The following PHF20 variants were observed in gnomAD, a reference collection of about 807,000 sequenced individuals.
PHF20 encodes glioma-expressed antigen 2.
PHF20 carries 23 observed loss-of-function variants against 113.5 expected under a neutral mutation model. The observed-to-expected ratio is 0.20, with a 90% CI of 0.15 to 0.29. The LOEUF is 0.29. Among genes scored for constraint, PHF20 ranks in the 10% least tolerant of loss-of-function variants. The pLI, the probability that PHF20 is intolerant of heterozygous loss-of-function variation, is 1.00. For missense variants in PHF20, 943 were observed against 1,219.6 expected (o/e 0.77, Z 3.38); for synonymous variants, 434 against 457.3 (o/e 0.95, Z 0.65).
chr20:35,794,431 C>T (rs985865322), intron 1 of PHF20, among the ~76,000 whole-genome samples: 2 of 152,166 alleles, frequency 1.3e-5, no homozygotes, highest in African/African-American at 4.8e-5. Flanking sequence ...GTACCTGGCA[C>T]ACAGCAGGCT....
intron 2 of PHF20, among the ~76,000 whole-genome samples, chr20:35,839,287 A>T (rs2042498942): frequency 6.8e-6 from 1 of 147,666 alleles, no homozygotes; most frequent in South Asian, 2.3e-4. Context: ...GCTACTTGGG[A>T]GGCTGAGGCA....
chr20:35,874,168 G>A (rs1016426794), intron 9 of PHF20, among the ~76,000 whole-genome samples: 1 of 152,034 alleles, frequency 6.6e-6, no homozygotes, highest in African/African-American at 2.4e-5. Context: ...TAGAGATGGG[G>A]TTTCACCATG....
At chr20:35,903,912 A>G (rs1480742967) in intron 10 of PHF20, among the ~76,000 whole-genome samples, 1 of 152,028 alleles carries the variant, frequency 6.6e-6, no homozygotes, top group African/African-American at 2.4e-5. Flanking sequence ...TCCAGGCATC[A>G]CCCCTTACCT....
intron 3 of PHF20, among the ~76,000 whole-genome samples, chr20:35,845,811 T>C (rs902198788): frequency 2.0e-5 from 3 of 149,552 alleles, no homozygotes; most frequent in Non-Finnish European, 4.4e-5. Context: ...GCAGTCTTAC[T>C]GTATGGCCGA....
chr20:35,876,741 C>T (rs780917049), intron 9 of PHF20, among the ~76,000 whole-genome samples: 8 of 149,888 alleles, frequency 5.3e-5, no homozygotes, highest in African/African-American at 4.9e-5. Context: ...GAGGCCAAGA[C>T]GGGCAGATCA....
chr20:35,791,679 G>T (rs1026836850), intron 1 of PHF20, among the ~76,000 whole-genome samples: 1 of 151,642 alleles, frequency 6.6e-6, no homozygotes, highest in African/African-American at 2.4e-5. Flanking sequence ...ATAGCTGGAG[G>T]ATTGGAGCTC....
intron 12 of PHF20, among the ~76,000 whole-genome samples, chr20:35,915,924 C>A (rs571263061): frequency 6.6e-6 from 1 of 152,122 alleles, no homozygotes; most frequent in Non-Finnish European, 1.5e-5. Flanking sequence ...TGCTTGACCC[C>A]AGAAGTTCAA....
rs1399073913 is a variant in PHF20 at position 35,871,724 on chromosome 20, G to C, written c.1177G>C (p.Gly393Arg). The C allele has an allele frequency of 2.5e-6, 4 of 1,613,798 alleles. No homozygotes were observed. The highest frequency in any genetic ancestry group is 1.7e-5 in the Admixed American group (1 of 59,984). Reference protein sequence around the residue: ...LTCHSFGDGSGAAGLELNCPS... With the variant: ...LTCHSFGDGSRAAGLELNCPS... The stretch of plus-strand genomic sequence containing the variant: ...TTGCCACTCCTTTGGGGATGGATCC[G>C]GGGCTGCAGGCTTGGAGTTGAACTG... Residue 393 changes from glycine to arginine, a missense_variant, in exon 9 of 18, where the codon GGG becomes CGG. Gly to Arg is a moderately radical substitution (Grantham distance 125). This residue lies in a region of PHF20 where 592 missense variants were observed against 787.2 expected (regional missense o/e 0.75). Transcript: ENST00000374012.
At chr20:35,851,170 G>A (rs970328310) in intron 4 of PHF20, among the ~76,000 whole-genome samples, 56 of 152,184 alleles carry the variant, frequency 3.7e-4, no homozygotes, top group African/African-American at 1.2e-3. Context: ...AAACTACTGT[G>A]TAGGTTAGCA....
chr20:35,917,390 A>T lies in PHF20; in HGVS notation c.1826-94A>T, dbSNP rs73284920. 6 of 1,067,770 alleles carry T rather than the reference A, an allele frequency of 5.6e-6. No individual in the cohort carries two copies. In the South Asian group the frequency reaches 8.1e-5, roughly 14 times the overall value. 66.1% of individuals were successfully genotyped at this position (1,067,770 alleles called of 1,614,324 possible). On this transcript the variant is annotated intron_variant, in intron 12 of 17. Transcript: ENST00000374012. The stretch of plus-strand genomic sequence containing the variant: ...CCTATGAATGTTCTTGTTTGGAGGT[A>T]TGGGACTATAATGTCATTTTTCATT...
intron 2 of PHF20, among the ~76,000 whole-genome samples, chr20:35,816,797 TTTC>T (rs1218596603): frequency 1.4e-5 from 2 of 146,968 alleles, no homozygotes; most frequent in Admixed American, 6.8e-5. Context: ...GTTTTTTTTT[TTTC>T]TTCTTCTTTG....
rs951653094 is a variant in PHF20, at chr20:35,943,465, G to A, written c.2896+2418G>A. ...GCTATGATCGTGTCACTGTACTCCAGCCTGGGTGACAGAGCAAGACCCCAT... is the reference window on the plus strand; with the variant it reads ...GCTATGATCGTGTCACTGTACTCCAACCTGGGTGACAGAGCAAGACCCCAT... On this transcript the variant is annotated intron_variant, in intron 17 of 17. Transcript: ENST00000374012. Among the ~76,000 whole-genome samples the A allele has an allele frequency of 2.1e-4, 30 of 145,284 alleles. 2 individuals carry two copies.
At chr20:35,893,715 A>T (rs1164181857) in intron 9 of PHF20, among the ~76,000 whole-genome samples, 1 of 152,050 alleles carries the variant, frequency 6.6e-6, no homozygotes, top group African/African-American at 2.4e-5. Flanking sequence ...AGCAGGTTCA[A>T]GTGATTCTCC....
intron 2 of PHF20, among the ~76,000 whole-genome samples, chr20:35,817,718 C>T (rs1347939683): frequency 6.6e-6 from 1 of 152,062 alleles, no homozygotes; most frequent in Non-Finnish European, 1.5e-5. Flanking sequence ...ATCCTTTGAG[C>T]CCGGGAAGCG....
Position 35,835,371 on chromosome 20 carries a change from G to A in PHF20, c.84-7202G>A, listed in dbSNP as rs139375333. On this transcript the variant is annotated intron_variant, in intron 2 of 17. Transcript: ENST00000374012. The stretch of plus-strand genomic sequence containing the variant: ...ACTACCTTCTGAGAAGGCCCTCAGA[G>A]TAGGTGGTTTCATAGAAAATGAAAT... 1.9e-3 allele frequency among the ~76,000 whole-genome samples: 295 copies of A among 152,306 alleles called. 6 individuals are homozygous for A. Among genetic ancestry groups the A allele is most frequent in the African/African-American group, 6.5e-3 (271 of 41,564 alleles).
chr20:35,789,894 C>G (rs116285448), intron 1 of PHF20, among the ~76,000 whole-genome samples: 6,318 of 116,092 alleles, frequency 0.054, 193 homozygotes, highest in African/African-American at 0.1. Context: ...TACTCTTGTT[C>G]CCCAGTCCGG....
chr20:35,942,978 C>T (rs1035905813), intron 17 of PHF20, among the ~76,000 whole-genome samples: 2 of 152,114 alleles, frequency 1.3e-5, no homozygotes, highest in Non-Finnish European at 2.9e-5. Flanking sequence ...TGCCCGCCAC[C>T]AGGCCCGGCT....
intron 1 of PHF20, among the ~76,000 whole-genome samples, chr20:35,791,270 G>C (rs185300268): frequency 6.6e-6 from 1 of 151,898 alleles, no homozygotes; most frequent in East Asian, 1.9e-4. Context: ...GCCTTACCTC[G>C]GTTCAATTCC....
chr20:35,931,252 A>G lies in PHF20; in HGVS notation c.2108A>G (p.Gln703Arg). The change falls in exon 15 of 18, where the codon CAG (glutamine) becomes CGG (arginine). Residue 703 changes from glutamine to arginine, a missense_variant. By Grantham distance (43) the Gln-to-Arg change is conservative (BLOSUM62 1). Coordinates refer to ENST00000374012, the MANE Select transcript of PHF20 (RefSeq NM_016436.5). ...TCYVCQDPPG[Q>R]RPGFKYWYDK... Reference sequence around the variant, plus strand: ...CCTCTTGTTGTCACTGCTGTAGGTCAGAGGCCTGGCTTCAAGTACTGGTAT... The same window carrying G: ...CCTCTTGTTGTCACTGCTGTAGGTCGGAGGCCTGGCTTCAAGTACTGGTAT... 1.9e-6 allele frequency: 3 copies of G among 1,609,404 alleles called. No individual in the cohort carries two copies. Among genetic ancestry groups the G allele is most frequent in the Non-Finnish European group, 2.6e-6 (3 of 1,176,392 alleles).
Sources: allele counts gnomAD v4.1 joint callset (sites outside exome capture counted in the v4.1 genomes callset), GRCh38; gene constraint gnomAD v4.1.1; regional missense constraint gnomAD v4.1.1; transcripts MANE v1.5; gene names NCBI Gene and HGNC (gene_info 2026-07-23, HGNC 2026-07-21).